CUX1: variants seen among roughly 807,000 people sequenced by gnomAD.
CUX1 encodes the protein protein CASP.
Under a neutral mutation model 158.8 loss-of-function variants are expected in CUX1, and 31 were observed. That is an observed-to-expected ratio of 0.20 (90% confidence interval 0.15 to 0.26). The LOEUF is 0.26. CUX1 is among the 10% of genes least tolerant of loss of function. CUX1 has a pLI of 1.00. For missense variants in CUX1, 1,589 were observed against 2,014.6 expected, an observed-to-expected ratio of 0.79 and a Z score of 4.04; for synonymous variants, 879 against 862.1, an observed-to-expected ratio of 1.02 and a Z score of -0.34.
At chr7:102,130,902 A>G (rs775592183) in intron 8 of CUX1, among the ~76,000 whole-genome samples, 4 of 151,968 alleles carry the variant, frequency 2.6e-5, no homozygotes, top group Non-Finnish European at 5.9e-5. Context: ...TAATCCCAGC[A>G]CTTTGGGAGA....
At chr7:101,905,042 A>G (rs1471857423) in intron 1 of CUX1, among the ~76,000 whole-genome samples, 1 of 152,186 alleles carries the variant, frequency 6.6e-6, no homozygotes, top group Non-Finnish European at 1.5e-5. Flanking sequence ...CCCATTTTAC[A>G]TTAAATCACT....
chr7:101,816,133 G>A (rs747374717), upstream of CUX1: 2 of 1,226,782 alleles, frequency 1.6e-6, no homozygotes, highest in Non-Finnish European at 2.1e-6. Flanking sequence ...CCGGGGGTGG[G>A]GGCTGCGGGC....
intron 18 of CUX1, among the ~76,000 whole-genome samples, chr7:102,279,547 T>C (rs984673252): frequency 6.6e-6 from 1 of 151,958 alleles, no homozygotes; most frequent in African/African-American, 2.4e-5. Flanking sequence ...GCGTGGGGCA[T>C]AGTGGGGCAG....
At chr7:101,905,332 G>T (rs1314089986) in intron 1 of CUX1, among the ~76,000 whole-genome samples, 1 of 152,188 alleles carries the variant, frequency 6.6e-6, no homozygotes, top group East Asian at 1.9e-4. Context: ...ACTCATTGCT[G>T]CCTCTCTGCC....
At chr7:102,205,409 C>T (rs1487021389) in intron 20 of CUX1, among the ~76,000 whole-genome samples, 1 of 152,172 alleles carries the variant, frequency 6.6e-6, no homozygotes, top group Non-Finnish European at 1.5e-5. Flanking sequence ...CATCCTTTGT[C>T]GGCCCAGAGC....
chr7:102,136,382 A>G (rs1833909254), intron 8 of CUX1, among the ~76,000 whole-genome samples: 1 of 149,976 alleles, frequency 6.7e-6, no homozygotes, highest in African/African-American at 2.4e-5. Flanking sequence ...GCATCTCGTC[A>G]TTTTACCAAC....
chr7:102,157,977 A>G (rs1789964352), intron 8 of CUX1, among the ~76,000 whole-genome samples: 1 of 152,180 alleles, frequency 6.6e-6, no homozygotes. Context: ...TGCAGCCTGT[A>G]CAGTCCCCCA....
intron 22 of CUX1, among the ~76,000 whole-genome samples, chr7:102,237,859 C>T (rs1331889750): frequency 2.6e-5 from 4 of 152,186 alleles, no homozygotes; most frequent in Admixed American, 2.6e-4. Context: ...GAGAGTGAAC[C>T]ATCTCCAATC....
At chr7:101,911,430 CCTTGGT>C (rs1803449681) in intron 1 of CUX1, among the ~76,000 whole-genome samples, 1 of 152,078 alleles carries the variant, frequency 6.6e-6, no homozygotes, top group South Asian at 2.1e-4. Context: ...TTGGTCTTGG[CCTTGGT>C]CCTGCAGTAG....
At chr7:102,001,601 C>A (rs1257859927) in intron 2 of CUX1, among the ~76,000 whole-genome samples, 2 of 152,220 alleles carry the variant, frequency 1.3e-5, no homozygotes, top group African/African-American at 4.8e-5. Flanking sequence ...CCTCAGCCTC[C>A]CAAAAGTGCT....
intron 16 of CUX1, among the ~76,000 whole-genome samples, chr7:102,274,769 G>A (rs1328872004): frequency 3.3e-5 from 5 of 152,238 alleles, no homozygotes; most frequent in Non-Finnish European, 5.9e-5. Flanking sequence ...AAGTGCAGCC[G>A]GAGGTCCGTG....
At chr7:101,914,079 C>T (rs1369287340) in intron 1 of CUX1, among the ~76,000 whole-genome samples, 3 of 151,750 alleles carry the variant, frequency 2.0e-5, no homozygotes, top group African/African-American at 7.3e-5. Flanking sequence ...CCTGCCTTCC[C>T]TTAACTGGGA....
At chr7:102,169,706 G>A (rs1216219635) in intron 9 of CUX1, among the ~76,000 whole-genome samples, 6 of 152,154 alleles carry the variant, frequency 3.9e-5, no homozygotes, top group Admixed American at 2.0e-4. Flanking sequence ...ACCTGTCCTC[G>A]TCATCCAGTG....
At chr7:101,921,302 T>C (rs575807314) in intron 2 of CUX1, among the ~76,000 whole-genome samples, 1 of 152,306 alleles carries the variant, frequency 6.6e-6, no homozygotes, top group East Asian at 1.9e-4. Context: ...CGAGAAGGGC[T>C]GCGCACAGGC....
At chr7:101,985,769 A>G (rs565804567) in intron 2 of CUX1, among the ~76,000 whole-genome samples, 5 of 152,346 alleles carry the variant, frequency 3.3e-5, no homozygotes, top group African/African-American at 7.2e-5. Context: ...GTATGGTGTC[A>G]GTGTCTGCCA....
chr7:102,122,468 A>G (rs1832151438), intron 8 of CUX1, among the ~76,000 whole-genome samples: 1 of 151,214 alleles, frequency 6.6e-6, no homozygotes, highest in African/African-American at 2.4e-5. Context: ...TCATCTCTGT[A>G]CAAGTATTTT....
chr7:102,263,909 C>A (rs1381929356), intron 14 of CUX1, among the ~76,000 whole-genome samples: 1 of 151,370 alleles, frequency 6.6e-6, no homozygotes, highest in Non-Finnish European at 1.5e-5. Context: ...CCGGGCTGGT[C>A]TCGAACTCCT....
At chr7:102,241,969 C>CA (rs1554535106) in intron 23 of CUX1, among the ~76,000 whole-genome samples, 2 of 152,068 alleles carry the variant, frequency 1.3e-5, no homozygotes, top group South Asian at 2.1e-4. Flanking sequence ...GACCCTGTCT[C>CA]AAAAAAAGAA....
intron 17 of CUX1, among the ~76,000 whole-genome samples, chr7:102,275,606 G>A (rs566248182): frequency 7.9e-5 from 12 of 152,290 alleles, no homozygotes; most frequent in Admixed American, 3.3e-4. Context: ...ATCATTCCAG[G>A]TGAAACAAGT....
Sources: gnomAD v4.1 joint callset for allele counts (sites outside exome capture counted in the v4.1 genomes callset) on GRCh38, gnomAD v4.1.1 for gene constraint, MANE v1.5 for transcripts, NCBI Gene and HGNC (gene_info 2026-07-23, HGNC 2026-07-21) for gene names.